HIBCH: variants seen among roughly 807,000 people sequenced by gnomAD.
The protein encoded by HIBCH is 3-hydroxyisobutyryl-CoA hydrolase.
HIBCH carries 50 observed loss-of-function variants against 58.2 expected under a neutral mutation model. The observed-to-expected ratio is 0.86, with a 90% CI of 0.68 to 1.09. The LOEUF (loss-of-function observed/expected upper bound fraction) is 1.09. Among genes scored for constraint, HIBCH ranks in the 50% least tolerant of loss-of-function variants. The pLI, the probability that HIBCH is intolerant of heterozygous loss-of-function variation, is 0.00. For synonymous variants in HIBCH, 151 were observed against 146.9 expected (o/e 1.03, Z -0.20); for missense variants, 450 against 449.7 (o/e 1.00, Z -0.01).
intron 6 of HIBCH, among the ~76,000 whole-genome samples, chr2:190,273,771 G>A (rs1345391994): frequency 6.6e-6 from 1 of 152,030 alleles, no homozygotes; most frequent in Non-Finnish European, 1.5e-5. Context: ...GCTGAACTCA[G>A]AAGTTTCTCC....
rs1311178432 is a variant in HIBCH, at chr2:190,281,614, A to G, written c.438+5972T>C. On this transcript the variant is annotated intron_variant, in intron 6 of 13. Coordinates refer to ENST00000359678, the MANE Select transcript of HIBCH (RefSeq NM_014362.4). This position sits in a 1 kb window ranked among gnomAD's most constrained non-coding sequence, Gnocchi z 5.4. Reference sequence around the variant, plus strand: ...TCTCTTTAGCAAAAATTGCTGCGCCACACCTTGGTTTCCTCTCCCAAAAAG... The same window carrying G: ...TCTCTTTAGCAAAAATTGCTGCGCCGCACCTTGGTTTCCTCTCCCAAAAAG... Among the ~76,000 whole-genome samples, 1 of 152,170 alleles carries G rather than the reference A, an allele frequency of 6.6e-6. No homozygotes were observed. Among genetic ancestry groups the G allele is most frequent in the African/African-American group, 2.4e-5 (1 of 41,444 alleles).
intron 11 of HIBCH, among the ~76,000 whole-genome samples, chr2:190,230,882 CA>C (rs1333354375): frequency 2.0e-5 from 3 of 152,086 alleles, no homozygotes; most frequent in African/African-American, 7.2e-5. Context: ...CTTGACATGA[CA>C]ATTACAAGAA....
In HIBCH at chr2:190,211,422, C is replaced by G. The variant is rs527680292; in HGVS notation, c.1011+1534G>C. On this transcript the variant is annotated intron_variant, in intron 12 of 13. Transcript: ENST00000359678. This position sits in a 1 kb window ranked among gnomAD's most constrained non-coding sequence, Gnocchi z 5.0. ...CTGGATCACTGCAGGAAATCTATAT[C>G]TGGTCTCTAAACCGTTCTTGAACCT... Among the ~76,000 whole-genome samples, 20 of 152,326 alleles carry G rather than the reference C, an allele frequency of 1.3e-4. No homozygotes were observed. The East Asian group carries it at 3.1e-3, about 23-fold the overall frequency.
At chr2:190,269,288 G>C (rs1027736139) in intron 6 of HIBCH, among the ~76,000 whole-genome samples, 5 of 152,100 alleles carry the variant, frequency 3.3e-5, no homozygotes, top group Non-Finnish European at 7.3e-5. Flanking sequence ...TCATCAACGT[G>C]AACAGGCAAC....
rs960914959 is a variant in HIBCH, at chr2:190,243,222, G to A, written c.891+1665C>T. 4.6e-5 allele frequency among the ~76,000 whole-genome samples: 7 copies of A among 152,254 alleles called. No individual in the cohort carries two copies. The highest frequency in any genetic ancestry group is 3.9e-4 in the East Asian group (2 of 5,180). On this transcript the variant is annotated intron_variant, in intron 11 of 13. Transcript: ENST00000359678. The surrounding 1 kb of genome is among the most constrained non-coding windows in gnomAD (Gnocchi z 4.1). The stretch of plus-strand genomic sequence containing the variant: ...GAGAATATAAAGCAGGCAGAAAACC[G>A]TGTAAAGGAGAGACTGGCCTAGCCT...
intron 6 of HIBCH, among the ~76,000 whole-genome samples, chr2:190,265,877 C>T (rs1363463882): frequency 6.6e-6 from 1 of 152,088 alleles, no homozygotes; most frequent in African/African-American, 2.4e-5. Context: ...GTATTTGTAA[C>T]ATACTTTGCT....
chr2:190,280,226 G>T (rs1374948749), intron 6 of HIBCH, among the ~76,000 whole-genome samples: 1 of 152,208 alleles, frequency 6.6e-6, no homozygotes, highest in African/African-American at 2.4e-5. Context: ...TAAAGCTAGA[G>T]AGTAATCTCC....
At chr2:190,222,217 T>C (rs1685740887) in intron 11 of HIBCH, among the ~76,000 whole-genome samples, 1 of 152,118 alleles carries the variant, frequency 6.6e-6, no homozygotes, top group Admixed American at 6.5e-5. Flanking sequence ...CTCACTCACT[T>C]GTGTTCCCCA....
At chr2:190,260,592 T>C (rs541647184) in intron 7 of HIBCH, 27 of 152,594 alleles carry the variant, frequency 1.8e-4, no homozygotes, top group African/African-American at 6.3e-4. Context: ...TGGAACATTG[T>C]CACTACCTGA....
chr2:190,218,683 C>T (rs1013818531), intron 11 of HIBCH, among the ~76,000 whole-genome samples: 2 of 152,212 alleles, frequency 1.3e-5, no homozygotes, highest in Admixed American at 6.5e-5. Context: ...CTCTGCTGGG[C>T]GGCCTCAAGC....
intron 6 of HIBCH, among the ~76,000 whole-genome samples, chr2:190,273,331 T>G (rs576943482): frequency 1.3e-5 from 2 of 152,294 alleles, no homozygotes; most frequent in East Asian, 1.9e-4. Flanking sequence ...AGGTGGAGGT[T>G]GCAGTGAGCC....
At chr2:190,311,487 C>T (rs971695667) in intron 1 of HIBCH, among the ~76,000 whole-genome samples, 1 of 152,148 alleles carries the variant, frequency 6.6e-6, no homozygotes, top group Non-Finnish European at 1.5e-5. Context: ...AGATGCAATA[C>T]AAACAGCATT....
intron 11 of HIBCH, among the ~76,000 whole-genome samples, chr2:190,227,588 A>C (rs554901736): frequency 3.9e-5 from 6 of 152,342 alleles, no homozygotes; most frequent in Admixed American, 1.3e-4. Context: ...ATTAAACAGC[A>C]AAAGAAACTA....
chr2:190,289,161 CTATTT>C (rs1687903320), intron 5 of HIBCH, among the ~76,000 whole-genome samples: 1 of 151,926 alleles, frequency 6.6e-6, no homozygotes, highest in Non-Finnish European at 1.5e-5. Flanking sequence ...TTATGTTTTA[CTATTT>C]TAAATACTTT....
chr2:190,232,149 T>G (rs1252869694), intron 11 of HIBCH, among the ~76,000 whole-genome samples: 3 of 152,136 alleles, frequency 2.0e-5, no homozygotes, highest in Non-Finnish European at 4.4e-5. Flanking sequence ...GAACTGAGAC[T>G]GTGCCACTGC....
intron 11 of HIBCH, among the ~76,000 whole-genome samples, chr2:190,240,117 T>C (rs1686408049): frequency 6.6e-6 from 1 of 152,224 alleles, no homozygotes; most frequent in South Asian, 2.1e-4. Context: ...CGGCTGTGAA[T>C]CCATCTAGTC....
intron 1 of HIBCH, among the ~76,000 whole-genome samples, chr2:190,314,459 TA>T: frequency 6.6e-6 from 1 of 151,416 alleles, no homozygotes; most frequent in Middle Eastern, 3.5e-3. Context: ...AAATACTATA[TA>T]ATCACATTGC....
intron 4 of HIBCH, among the ~76,000 whole-genome samples, chr2:190,293,453 CAAAA>C (rs10539492): frequency 0.72 from 107,429 of 149,522 alleles, 38,852 homozygotes; most frequent in South Asian, 0.77. Flanking sequence ...AACTCCGTCT[CAAAA>C]AAAAAAATAA....
intron 5 of HIBCH, among the ~76,000 whole-genome samples, chr2:190,288,642 C>T (rs970260173): frequency 2.0e-5 from 3 of 151,776 alleles, no homozygotes; most frequent in African/African-American, 7.3e-5. Flanking sequence ...GGAATGGTTA[C>T]ACAGTAAGAT....
Sources: gnomAD v4.1 joint callset for allele counts (sites outside exome capture counted in the v4.1 genomes callset) on GRCh38, gnomAD v4.1.1 for gene constraint, Gnocchi (gnomAD v3.1) non-coding constraint, MANE v1.5 for transcripts, NCBI Gene and HGNC (gene_info 2026-07-23, HGNC 2026-07-21) for gene names.